Variants in SEPTIN10 observed in about 807,000 individuals in gnomAD.
SEPTIN10 encodes the protein septin 10.
In SEPTIN10, 66 loss-of-function variants were observed where a neutral mutation model predicts 54.8. That is an observed-to-expected ratio of 1.21 (90% CI 0.99 to 1.48). The LOEUF is 1.48. Ranked by LOEUF, SEPTIN10 falls within the 40% of genes most tolerant of loss-of-function variation. SEPTIN10 has a pLI of 0.00. For missense variants in SEPTIN10, 620 were observed against 545.6 expected (o/e 1.14, Z -1.36); for synonymous variants, 161 against 181.0 (o/e 0.89, Z 0.89).
At chr2:109,607,769 T>A (rs542643483) in intron 1 of SEPTIN10, among the ~76,000 whole-genome samples, 6 of 152,282 alleles carry the variant, frequency 3.9e-5, no homozygotes, top group Non-Finnish European at 8.8e-5. Flanking sequence ...CTGCCCTAAA[T>A]CAAAACTACC....
intron 3 of SEPTIN10, 50 bp downstream of exon 3, chr2:109,585,671 G>A (rs1390580306): frequency 8.2e-7 from 1 of 1,224,740 alleles, no homozygotes; most frequent in Non-Finnish European, 1.2e-6. Context: ...AATGAAGTGA[G>A]CACAAGGAAT....
intron 7 of SEPTIN10, among the ~76,000 whole-genome samples, chr2:109,565,508 C>T (rs754582981): frequency 6.6e-6 from 1 of 152,204 alleles, no homozygotes; most frequent in African/African-American, 2.4e-5. Flanking sequence ...TCCACATTCA[C>T]ATTTTGGTCA....
chr2:109,548,441 T>C (rs1460139616), intron 9 of SEPTIN10, among the ~76,000 whole-genome samples: 4 of 152,112 alleles, frequency 2.6e-5, no homozygotes, highest in Non-Finnish European at 4.4e-5. Context: ...TACAGGCTCA[T>C]TGGCTCACGG....
intron 2 of SEPTIN10, among the ~76,000 whole-genome samples, chr2:109,586,490 T>C (rs888956238): frequency 2.6e-5 from 4 of 152,172 alleles, no homozygotes; most frequent in African/African-American, 7.2e-5. Context: ...TGGGTTAAGA[T>C]GTCCATTGGA....
At chr2:109,612,910 A>T (rs1317797866) in intron 1 of SEPTIN10, among the ~76,000 whole-genome samples, 1 of 152,238 alleles carries the variant, frequency 6.6e-6, no homozygotes, top group Non-Finnish European at 1.5e-5. Context: ...TGCAATCTGA[A>T]CTGTTTCTAC....
At chr2:109,611,432 G>GAT (rs1320790783) in intron 1 of SEPTIN10, among the ~76,000 whole-genome samples, 1 of 151,198 alleles carries the variant, frequency 6.6e-6, no homozygotes, top group African/African-American at 2.4e-5. Flanking sequence ...TCACATATCT[G>GAT]AGAAAGGACT....
In SEPTIN10 at chr2:109,573,403, T is replaced by C. The variant is rs900436799; in HGVS notation, c.600+1178A>G. Among the ~76,000 whole-genome samples, 3 of 152,328 alleles carry C rather than the reference T, an allele frequency of 2.0e-5. No individual in the cohort carries two copies. In the East Asian group the frequency reaches 5.8e-4, roughly 29 times the overall value. On this transcript the variant is annotated intron_variant, in intron 5 of 10. Coordinates refer to ENST00000397712, the MANE Select transcript of SEPTIN10 (RefSeq NM_144710.5). Reference sequence around the variant, plus strand: ...TATGTTCCTTTAACAAATATGAATTTCCATATAATCAGACTCAACTATGAA... The same window carrying C: ...TATGTTCCTTTAACAAATATGAATTCCCATATAATCAGACTCAACTATGAA...
chr2:109,590,474 C>T (rs1299531607), intron 2 of SEPTIN10, among the ~76,000 whole-genome samples: 1 of 151,764 alleles, frequency 6.6e-6, no homozygotes, highest in African/African-American at 2.4e-5. Flanking sequence ...CTCTGTTGCC[C>T]AGGCTAGAGT....
chr2:109,613,582 C>T (rs1331368069), intron 1 of SEPTIN10: 1 of 271,106 alleles, frequency 3.7e-6, no homozygotes, highest in Non-Finnish European at 6.8e-6. Context: ...CCGCGCCCCG[C>T]GAACCGGGGT....
At chr2:109,557,718 G>A (rs1449654950) in intron 8 of SEPTIN10, among the ~76,000 whole-genome samples, 1 of 152,100 alleles carries the variant, frequency 6.6e-6, no homozygotes, top group Non-Finnish European at 1.5e-5. Flanking sequence ...AAAGAGAATG[G>A]TCTATAAAGT....
At chr2:109,555,543 C>A (rs1229563751) in intron 8 of SEPTIN10, among the ~76,000 whole-genome samples, 1 of 152,196 alleles carries the variant, frequency 6.6e-6, no homozygotes, top group Non-Finnish European at 1.5e-5. Flanking sequence ...TAGTAAAGAG[C>A]AAACTATTCT....
At chr2:109,566,044 T>C (rs947301274) in intron 6 of SEPTIN10, among the ~76,000 whole-genome samples, 185 bp from the exon 7 acceptor site, 7 of 152,176 alleles carry the variant, frequency 4.6e-5, no homozygotes, top group Admixed American at 1.3e-4. Flanking sequence ...GAGTCATCTT[T>C]GGGCCCCATA....
intron 1 of SEPTIN10, chr2:109,613,066 A>C (rs1429842337): frequency 1.7e-6 from 1 of 587,872 alleles, no homozygotes; most frequent in Non-Finnish European, 2.9e-6. Flanking sequence ...GTTTTTAAGA[A>C]TACACAGGCA....
intron 7 of SEPTIN10, among the ~76,000 whole-genome samples, chr2:109,565,081 C>T (rs1686654357): frequency 6.6e-6 from 1 of 152,052 alleles, no homozygotes; most frequent in Non-Finnish European, 1.5e-5. Context: ...TTACGGTGAC[C>T]AGAGGACTAC....
In SEPTIN10 at chr2:109,576,794, G is replaced by T. The variant is rs1689776919; in HGVS notation, c.414-2027C>A. On this transcript the variant is annotated intron_variant, in intron 4 of 10. Coordinates refer to ENST00000397712, the MANE Select transcript of SEPTIN10 (RefSeq NM_144710.5). ...CATTCTTTCATACTCTGGACAAAAA[G>T]ATAAAAAATATGAATCAGAGCGATT... Among the ~76,000 whole-genome samples, 2 of 151,884 alleles carry T rather than the reference G, an allele frequency of 1.3e-5. 1 individual carries two copies. The highest frequency in any genetic ancestry group is 1.3e-4 in the Admixed American group (2 of 15,258).
At chr2:109,569,018 T>C (rs1290583460) in intron 5 of SEPTIN10, among the ~76,000 whole-genome samples, 1 of 152,322 alleles carries the variant, frequency 6.6e-6, no homozygotes, top group South Asian at 2.1e-4. Flanking sequence ...GACTGATAGC[T>C]CCACAAATTT....
In SEPTIN10 at chr2:109,613,822, G is replaced by T; in HGVS notation, c.6C>A (p.Ala2=). 8.1e-7 allele frequency: 1 copy of T among 1,236,938 alleles called. No homozygotes were observed. Among genetic ancestry groups the T allele is most frequent in the Non-Finnish European group, 1.0e-6 (1 of 991,650 alleles). 76.6% of individuals were successfully genotyped at this position (1,236,938 alleles called of 1,614,324 possible). The stretch of plus-strand genomic sequence containing the variant: ...CCAGGTGCCGCGCCACCTCGGAGGA[G>T]GCCATGGTCGCGGGCAGGGGCACGG... M[A]SSEVARHLLF... is the part of the protein sequence containing the mutation. The change falls in exon 1 of 11, where the codon GCC becomes GCA. Residue 2 remains alanine (A), a synonymous_variant. Transcript: ENST00000397712.
At chr2:109,555,003 T>C (rs1684026849) in intron 8 of SEPTIN10, among the ~76,000 whole-genome samples, 1 of 152,202 alleles carries the variant, frequency 6.6e-6, no homozygotes, top group South Asian at 2.1e-4. Context: ...TTTCCATTTC[T>C]ACAGATACCA....
At chr2:109,561,312 C>A in intron 8 of SEPTIN10, among the ~76,000 whole-genome samples, 1 of 152,086 alleles carries the variant, frequency 6.6e-6, no homozygotes, top group East Asian at 1.9e-4. Context: ...AGAAAGTCTT[C>A]CCGAATTTTC....
Sources: gnomAD v4.1 joint callset for allele counts (sites outside exome capture counted in the v4.1 genomes callset) on GRCh38, gnomAD v4.1.1 for gene constraint, MANE v1.5 for transcripts, NCBI Gene and HGNC (gene_info 2026-07-23, HGNC 2026-07-21) for gene names.